The following LTBP2 variants were observed in gnomAD, a reference collection of about 807,000 sequenced individuals.
LTBP2 encodes latent-transforming growth factor beta-binding protein 2.
A neutral mutation model predicts 210.6 loss-of-function variants in LTBP2; 103 were observed. The observed-to-expected ratio is 0.49, with a 90% CI of 0.42 to 0.58. LTBP2 has a LOEUF of 0.58. Among genes scored for constraint, LTBP2 ranks in the 20% least tolerant of loss-of-function variants. LTBP2 has a pLI of 0.00. For synonymous variants in LTBP2, 1,007 were observed against 1,015.0 expected, an observed-to-expected ratio of 0.99 and a Z score of 0.15; for missense variants, 2,313 against 2,494.5, an observed-to-expected ratio of 0.93 and a Z score of 1.55.
chr14:74,567,828 C>A (rs1394374972), intron 3 of LTBP2, among the ~76,000 whole-genome samples: 1 of 152,154 alleles, frequency 6.6e-6, no homozygotes. Flanking sequence ...ACCATCTCCC[C>A]AGCCCTAGCT....
intron 8 of LTBP2, among the ~76,000 whole-genome samples, chr14:74,547,532 A>C (rs953814711): frequency 4.6e-5 from 7 of 151,536 alleles, no homozygotes. Flanking sequence ...AGCTGAGCCC[A>C]CTCTTCCCCT....
At chr14:74,579,428 G>A (rs1165611518) in intron 3 of LTBP2, among the ~76,000 whole-genome samples, 7 of 152,234 alleles carry the variant, frequency 4.6e-5, no homozygotes, top group African/African-American at 7.2e-5. Flanking sequence ...CGGGAAACCC[G>A]TGGGCTCACT....
At chr14:74,506,250 C>T (rs2139691593) in intron 27 of LTBP2, 59 bp from the exon 28 acceptor site, 2 of 1,610,912 alleles carry the variant, frequency 1.2e-6, no homozygotes. Context: ...CCCCCTGCCC[C>T]TGACTACAGC....
chr14:74,583,400 T>A (rs370236699), intron 3 of LTBP2, among the ~76,000 whole-genome samples: 389 of 152,324 alleles, frequency 2.6e-3, no homozygotes, highest in African/African-American at 8.5e-3. Context: ...TTTGGCCTCC[T>A]AAAGCAAAAC....
chr14:74,552,554 T>C, intron 5 of LTBP2, 161 bp from the exon 6 acceptor site: 1 of 739,242 alleles, frequency 1.4e-6, no homozygotes, highest in Non-Finnish European at 2.3e-6. Context: ...TTCATTCATG[T>C]AGAGTGAAGA....
At chr14:74,541,373 A>G (rs2087505619) in intron 8 of LTBP2, among the ~76,000 whole-genome samples, 1 of 152,224 alleles carries the variant, frequency 6.6e-6, no homozygotes, top group Non-Finnish European at 1.5e-5. Flanking sequence ...GGCACTTACT[A>G]TGGGCCAGGC....
intron 8 of LTBP2, among the ~76,000 whole-genome samples, chr14:74,549,564 G>T (rs575991780): frequency 6.6e-6 from 1 of 152,334 alleles, no homozygotes; most frequent in South Asian, 2.1e-4. Flanking sequence ...CATCTGGGAG[G>T]GGTGTGCAGG....
chr14:74,525,026 G>A, intron 15 of LTBP2, 98 bp downstream of exon 15: 1 of 595,192 alleles, frequency 1.7e-6, no homozygotes, highest in Non-Finnish European at 2.7e-6. Flanking sequence ...GAAAGGTGAG[G>A]GGGCATTCCA....
chr14:74,610,396 C>G (rs1279800619), intron 1 of LTBP2, among the ~76,000 whole-genome samples: 1 of 152,180 alleles, frequency 6.6e-6, no homozygotes, highest in African/African-American at 2.4e-5. Context: ...GAAAACAGAG[C>G]GCCAAGGCTG....
Position 74,503,512 on chromosome 14 carries a change from C to A in LTBP2, c.4677G>T (p.Leu1559=), listed in dbSNP as rs753609744. Residue 1559 remains leucine (L), a synonymous_variant, in exon 32 of 36, where the codon CTG becomes CTT. Transcript: ENST00000261978. Reference sequence around the variant, plus strand: ...TCATGCAGCGCTGCTGGCTGAGGTCCAGGGTGAGCGGGGGGCTGCAGAAGC... The same window carrying A: ...TCATGCAGCGCTGCTGGCTGAGGTCAAGGGTGAGCGGGGGGCTGCAGAAGC... ...FHCFCSPPLT[L]DLSQQRCMNS... is the part of the protein sequence containing the mutation. The A allele has an allele frequency of 8.1e-6, 13 of 1,613,126 alleles. No individual in the cohort carries two copies. The highest frequency in any genetic ancestry group is 1.1e-5 in the Non-Finnish European group (13 of 1,179,800).
chr14:74,568,218 A>C (rs560832271), intron 3 of LTBP2, among the ~76,000 whole-genome samples: 2 of 152,166 alleles, frequency 1.3e-5, no homozygotes, highest in East Asian at 3.9e-4. Context: ...CCTGCCTGGC[A>C]CCCTTGTGCA....
chr14:74,596,167 G>A (rs1201922580), intron 2 of LTBP2, among the ~76,000 whole-genome samples: 1 of 151,994 alleles, frequency 6.6e-6, no homozygotes, highest in Non-Finnish European at 1.5e-5. Flanking sequence ...CGAGATTACA[G>A]TGAGCCGAGA....
Position 74,508,871 on chromosome 14 carries a change from C to G in LTBP2, c.3485G>C (p.Cys1162Ser), listed in dbSNP as rs200633634. Residue 1162 changes from cysteine to serine, a missense_variant, in exon 23 of 36, where the codon TGT becomes TCT. By Grantham distance (112) the Cys-to-Ser change is moderately radical. Around this residue, in one of 3 missense-constraint regions of LTBP2, gnomAD observed 1,867 missense variants for 1,976.9 expected, o/e 0.94. Coordinates refer to ENST00000261978, the MANE Select transcript of LTBP2 (RefSeq NM_000428.3). ...KNTVGSYQCL[C>S]PQGFQLANGT... is the part of the protein sequence containing the mutation. Reference sequence around the variant, plus strand: ...ATTGGCCAGCTGGAAGCCCTGGGGACAGAGGCACTGGTAGGAGCCCACAGT... The same window carrying G: ...ATTGGCCAGCTGGAAGCCCTGGGGAGAGAGGCACTGGTAGGAGCCCACAGT... 1.8e-5 allele frequency: 29 copies of G among 1,613,668 alleles called. No individual in the cohort carries two copies. The highest frequency in any genetic ancestry group is 1.0e-5 in the Non-Finnish European group (12 of 1,179,970).
chr14:74,501,773 AAG>A (rs2086914260), intron 34 of LTBP2, 183 bp from the exon 35 acceptor site: 2 of 705,084 alleles, frequency 2.8e-6, no homozygotes, highest in Non-Finnish European at 4.7e-6. Flanking sequence ...TTGAAAAAAA[AAG>A]TATGTGTCAT....
intron 15 of LTBP2, 52 bp downstream of exon 15, chr14:74,525,072 C>T: frequency 9.4e-7 from 1 of 1,064,626 alleles, no homozygotes; most frequent in Non-Finnish European, 1.3e-6. Flanking sequence ...TCTGGACAGA[C>T]ACAGCTCACA....
intron 1 of LTBP2, among the ~76,000 whole-genome samples, chr14:74,606,440 G>A (rs187852964): frequency 6.6e-6 from 1 of 152,302 alleles, no homozygotes; most frequent in Admixed American, 6.5e-5. Context: ...ATTTCACTTC[G>A]ATGCCTTTGC....
chr14:74,554,831 T>A (rs890633949), intron 4 of LTBP2, among the ~76,000 whole-genome samples: 1 of 151,816 alleles, frequency 6.6e-6, no homozygotes, highest in African/African-American at 2.4e-5. Flanking sequence ...CTTCAATTTT[T>A]AAAATGGAAA....
intron 2 of LTBP2, among the ~76,000 whole-genome samples, chr14:74,593,966 CA>C (rs1320293304): frequency 6.6e-6 from 1 of 152,144 alleles, no homozygotes; most frequent in African/African-American, 2.4e-5. Flanking sequence ...ACCTGGCGCA[CA>C]GTAAGAGCTA....
chr14:74,570,155 A>T (rs2087956693), intron 3 of LTBP2, among the ~76,000 whole-genome samples: 1 of 151,720 alleles, frequency 6.6e-6, no homozygotes, highest in African/African-American at 2.4e-5. Context: ...TTGAGCTAGG[A>T]CTCTTTCCCA....
Sources: allele counts gnomAD v4.1 joint callset (sites outside exome capture counted in the v4.1 genomes callset), GRCh38; gene constraint gnomAD v4.1.1; regional missense constraint gnomAD v4.1.1; transcripts MANE v1.5; gene names NCBI Gene and HGNC (gene_info 2026-07-23, HGNC 2026-07-21).